Variants in GABRQ observed in about 807,000 individuals in gnomAD.
The protein encoded by GABRQ is gamma-aminobutyric acid type A receptor subunit theta, also known as gamma-aminobutyric acid receptor subunit theta.
In GABRQ, 19 loss-of-function variants were observed where a neutral mutation model predicts 30.5. That is an observed-to-expected ratio of 0.62 (90% CI 0.43 to 0.91). The LOEUF (loss-of-function observed/expected upper bound fraction) is 0.91, where lower values mean the gene tolerates loss of function less well. Ranked by LOEUF, GABRQ falls within the 40% of genes least tolerant of loss-of-function variation. The pLI, the probability that GABRQ is intolerant of heterozygous loss-of-function variation, is 0.00. For missense variants in GABRQ, 520 were observed against 521.4 expected (o/e 1.00, Z 0.03); for synonymous variants, 187 against 210.2 (o/e 0.89, Z 0.95).
In GABRQ at chrX:152,647,121, T is replaced by A. The variant is rs1471208213; in HGVS notation, c.480T>A (p.Asn160Lys). Reference protein sequence around the residue: ...DAFVHDVTVENRVFQLHPDGT... With the variant: ...DAFVHDVTVEKRVFQLHPDGT... ...TCGTGCATGATGTGACTGTGGAGAA[T>A]CGCGTGTTTCAGCTTCACCCAGATG... Residue 160 changes from asparagine to lysine, a missense_variant, in exon 4 of 9, where the codon AAT becomes AAA. Asn to Lys is a moderately conservative substitution (Grantham distance 94, BLOSUM62 0). Transcript: ENST00000598523. 8 of 1,210,989 alleles carry A rather than the reference T, an allele frequency of 6.6e-6. No homozygotes were observed. The highest frequency in any genetic ancestry group is 5.2e-5 in the African/African-American group (3 of 57,746).
chrX:152,641,012 C>T (rs143263581), intron 2 of GABRQ, among the ~76,000 whole-genome samples: 28 of 111,032 alleles, frequency 2.5e-4, no homozygotes, highest in Non-Finnish European at 4.0e-4. Context: ...TAAACCCAGC[C>T]GGATCACCTC....
At chrX:152,649,968 T>C (rs903563535) in intron 6 of GABRQ, 89 bp downstream of exon 6, 10 of 697,863 alleles carry the variant, frequency 1.4e-5, no homozygotes, top group Non-Finnish European at 2.2e-5. Flanking sequence ...GCTCCTATTC[T>C]CTGGTGCCTC....
At chrX:152,657,715 G>C (rs1931175988), downstream of GABRQ, among the ~76,000 whole-genome samples, 1 of 112,033 alleles carries the variant, frequency 8.9e-6, no homozygotes, top group Admixed American at 9.4e-5. Flanking sequence ...AAGCCGAGGG[G>C]AATTAGCAAC....
At chrX:152,642,889 A>G (rs1355997661) in intron 2 of GABRQ, among the ~76,000 whole-genome samples, 1 of 112,384 alleles carries the variant, frequency 8.9e-6, no homozygotes, top group African/African-American at 3.2e-5. Context: ...AAGGGGATAA[A>G]TTAGAAGAAT....
chrX:152,641,949 G>A (rs986146387), intron 2 of GABRQ, among the ~76,000 whole-genome samples: 1 of 111,777 alleles, frequency 8.9e-6, no homozygotes, highest in Non-Finnish European at 1.9e-5. Context: ...TCTCCCCACT[G>A]TTTCAGGGCC....
chrX:152,645,895 C>A (rs1309964459), intron 3 of GABRQ, among the ~76,000 whole-genome samples: 1 of 112,302 alleles, frequency 8.9e-6, no homozygotes, highest in Non-Finnish European at 1.9e-5. Context: ...TTTAAAAAGA[C>A]ACAGAAAACA....
intron 7 of GABRQ, among the ~76,000 whole-genome samples, chrX:152,651,234 C>G (rs34095064): frequency 0.052 from 5,844 of 111,862 alleles, 158 homozygotes; most frequent in Non-Finnish European, 0.087. Context: ...TTCCCAAGAA[C>G]TAAAGAAAGG....
chrX:152,641,564 C>T (rs190264363), intron 2 of GABRQ, among the ~76,000 whole-genome samples: 2 of 111,940 alleles, frequency 1.8e-5, no homozygotes, highest in Admixed American at 1.9e-4. Flanking sequence ...GGAGGTGGGA[C>T]CCTGAACTGG....
rs1556820702 is a variant in GABRQ at position 152,653,275 on chromosome X, G to T, written c.1893G>T (p.Met631Ile). ...ACATTGTTTACTGGGTATACCATAT[G>T]TATTAGTCCCCCAGTGCTCCAGAAC... ...LFNIVYWVYH[M>I]Y The change falls in exon 9 of 9, where the codon ATG becomes ATT. Residue 631 changes from methionine to isoleucine, a missense_variant. Coordinates refer to ENST00000598523, the MANE Select transcript of GABRQ (RefSeq NM_018558.4). 1 of 1,191,145 alleles carries T rather than the reference G, an allele frequency of 8.4e-7. No individual in the cohort carries two copies. Among genetic ancestry groups the T allele is most frequent in the Admixed American group, 2.2e-5 (1 of 45,719 alleles).
Position 152,656,085 on chromosome X carries a change from G to A in GABRQ, c.*2804G>A, listed in dbSNP as rs1238578313. On this transcript the variant is annotated 3_prime_UTR_variant, in exon 9 of 9. Transcript: ENST00000598523. ...GGAGATTTGGCAGTGACACCCTTTCGGGAACGTGAACCTTCTGAGTTTGCT... is the reference window on the plus strand; with the variant it reads ...GGAGATTTGGCAGTGACACCCTTTCAGGAACGTGAACCTTCTGAGTTTGCT... 1.8e-5 allele frequency: 2 copies of A among 111,495 alleles called. No individual in the cohort carries two copies. The highest frequency in any genetic ancestry group is 3.8e-5 in the Non-Finnish European group (2 of 53,057). 9.2% of individuals were successfully genotyped at this position (111,495 alleles called of 1,213,427 possible). A position where few individuals can be genotyped will look rare whatever the true frequency, so the allele number is the denominator to read the frequency against.
chrX:152,638,578 C>T (rs1449719132), intron 1 of GABRQ, among the ~76,000 whole-genome samples: 2 of 111,865 alleles, frequency 1.8e-5, no homozygotes, highest in African/African-American at 6.5e-5. Flanking sequence ...CCTGTTACTG[C>T]GGAGCTTGAC....
At position 152,652,599 on chromosome X, in the gene GABRQ, C is replaced by T. The variant is rs1556820428; in HGVS notation, c.1217C>T (p.Ala406Val). The change falls in exon 9 of 9, where the codon GCC becomes GTC. Residue 406 changes from alanine (A) to valine (V), a missense_variant. Transcript: ENST00000598523. The stretch of plus-strand genomic sequence containing the variant: ...TCTCTCCCCATCACCCCAGCGCAGG[C>T]CCCCCTGGCAAGCCCGGAAAGCCTC... ...VSSLPITPAQ[A>V]PLASPESLGS... 3 of 1,208,947 alleles carry T rather than the reference C, an allele frequency of 2.5e-6. No homozygotes were observed. Among genetic ancestry groups the T allele is most frequent in the Non-Finnish European group, 3.4e-6 (3 of 892,837 alleles).
Position 152,652,836 on chromosome X carries a change from G to A in GABRQ, c.1454G>A (p.Arg485His), listed in dbSNP as rs142223987. ...DSIIPTEIRN[R>H]VEAHGHGVTH... ...ATTATTCCTACCGAAATCCGCAACC[G>A]TGTCGAAGCCCATGGCCATGGTGTT... Residue 485 changes from arginine (R) to histidine (H), a missense_variant, in exon 9 of 9, where the codon CGT becomes CAT. Coordinates refer to ENST00000598523, the MANE Select transcript of GABRQ (RefSeq NM_018558.4). The A allele has an allele frequency of 2.2e-5, 27 of 1,208,902 alleles. No homozygotes were observed. Among genetic ancestry groups the A allele is most frequent in the Non-Finnish European group, 2.7e-5 (24 of 893,709 alleles).
downstream of GABRQ, among the ~76,000 whole-genome samples, chrX:152,658,397 C>T (rs1931188860): frequency 8.9e-6 from 1 of 112,222 alleles, no homozygotes; most frequent in Admixed American, 9.4e-5. Flanking sequence ...ACTGAACCAG[C>T]TCATTTATAA....
In GABRQ at chrX:152,656,448, G is replaced by A. The variant is rs1334770303; in HGVS notation, c.*3167G>A. ...GATCCCTTCTTTGCCACTATCATGG[G>A]AAGGACACCCCTGTCTGTCTTTCTG... On this transcript the variant is annotated 3_prime_UTR_variant, in exon 9 of 9. Transcript: ENST00000598523. 8.9e-6 allele frequency: 1 copy of A among 111,969 alleles called. No homozygotes were observed. Among genetic ancestry groups the A allele is most frequent in the Non-Finnish European group, 1.9e-5 (1 of 53,216 alleles). The allele number at this position is 111,969 out of a possible 1,213,427, so 9.2% of individuals were successfully genotyped here.
chrX:152,642,447 G>A (rs1177743440), intron 2 of GABRQ, among the ~76,000 whole-genome samples: 1 of 112,257 alleles, frequency 8.9e-6, no homozygotes, highest in Non-Finnish European at 1.9e-5. Flanking sequence ...GAGAAGAGGA[G>A]GAGGATGAAA....
rs1435252478 is a variant in GABRQ at position 152,650,007 on chromosome X, C to A, written c.748+128C>A. 2.9e-5 allele frequency: 15 copies of A among 519,206 alleles called. No individual in the cohort carries two copies. In the Admixed American group the frequency reaches 4.8e-4, roughly 17 times the overall value. 42.8% of individuals were successfully genotyped at this position (519,206 alleles called of 1,213,427 possible). On this transcript the variant is annotated intron_variant, in intron 6 of 8. Coordinates refer to ENST00000598523, the MANE Select transcript of GABRQ (RefSeq NM_018558.4). ...TTCCACTTCCTACTGGTTCCAGGCC[C>A]CCTTAAGAAAGCCCCAATGACTCAT... is the stretch of plus-strand genomic sequence containing the variant.
Position 152,649,445 on chromosome X carries a change from C to G in GABRQ, c.610+112C>G, listed in dbSNP as rs782023631. On this transcript the variant is annotated intron_variant, in intron 5 of 8. Transcript: ENST00000598523. ...AGTGTATCTCCTGTGCTCCCTCCCT[C>G]CCCCCATTCTCTCTCCCAAAATAAA... 177 of 514,794 alleles carry G rather than the reference C, an allele frequency of 3.4e-4. No individual in the cohort carries two copies. The South Asian group carries it at 4.8e-3, about 14-fold the overall frequency. 42.4% of individuals were successfully genotyped at this position (514,794 alleles called of 1,213,427 possible).
At chrX:152,640,227 T>G in intron 1 of GABRQ, 151 bp from the exon 2 acceptor site, 4 of 471,618 alleles carry the variant, frequency 8.5e-6, no homozygotes, top group Admixed American at 2.8e-5. Flanking sequence ...TGACTCACCA[T>G]GGGGAGGGAG....
Sources: gnomAD v4.1 joint callset for allele counts (sites outside exome capture counted in the v4.1 genomes callset) on GRCh38, gnomAD v4.1.1 for gene constraint, MANE v1.5 for transcripts, NCBI Gene and HGNC (gene_info 2026-07-23, HGNC 2026-07-21) for gene names.